The following COQ3 variants were observed in gnomAD, a reference collection of about 807,000 sequenced individuals.
COQ3 encodes coenzyme Q3, methyltransferase.
Under a neutral mutation model 33.1 loss-of-function variants are expected in COQ3, and 29 were observed. The ratio of observed to expected loss-of-function variants is 0.88; its 90% CI spans 0.65 to 1.19. The LOEUF is 1.19. COQ3 is among the 50% of genes most tolerant of loss of function. COQ3 has a pLI of 0.00. For synonymous variants in COQ3, 173 were observed against 157.8 expected, an observed-to-expected ratio of 1.10 and a Z score of -0.72; for missense variants, 437 against 430.7, an observed-to-expected ratio of 1.01 and a Z score of -0.13.
intron 1 of COQ3, among the ~76,000 whole-genome samples, chr6:99,392,611 C>T (rs1260889042): frequency 6.6e-6 from 1 of 151,096 alleles, no homozygotes; most frequent in East Asian, 1.9e-4. Flanking sequence ...CGAGCTGGTC[C>T]TTTCCCCTCT....
intron 4 of COQ3, among the ~76,000 whole-genome samples, chr6:99,376,845 C>T (rs905034579): frequency 1.3e-5 from 2 of 151,946 alleles, no homozygotes; most frequent in African/African-American, 4.8e-5. Flanking sequence ...AGCCCGTAAT[C>T]CCAGCTAGTT....
At chr6:99,382,707 A>C (rs1774507364) in intron 2 of COQ3, among the ~76,000 whole-genome samples, 1 of 152,112 alleles carries the variant, frequency 6.6e-6, no homozygotes. Flanking sequence ...TAATCCCAGC[A>C]CTTTGGGAGG....
intron 4 of COQ3, among the ~76,000 whole-genome samples, chr6:99,376,634 C>T (rs896620562): frequency 4.6e-5 from 7 of 152,160 alleles, no homozygotes; most frequent in African/African-American, 1.4e-4. Flanking sequence ...ATTCTTCTCT[C>T]AGCTTTTTTA....
At chr6:99,384,376 C>CTGTTTA (rs1244810617) in intron 1 of COQ3, among the ~76,000 whole-genome samples, 4 of 152,136 alleles carry the variant, frequency 2.6e-5, no homozygotes, top group Non-Finnish European at 4.4e-5. Context: ...AGTAATGCAT[C>CTGTTTA]TGTTTATAAA....
intron 3 of COQ3, 85 bp from the exon 4 acceptor site, chr6:99,377,570 T>C (rs1562204141): frequency 2.6e-6 from 2 of 756,736 alleles, no homozygotes; most frequent in Non-Finnish European, 4.2e-6. Flanking sequence ...TTCAAGGAAA[T>C]ATTAACCTCC....
At chr6:99,390,335 T>TA (rs1491253408) in intron 1 of COQ3, among the ~76,000 whole-genome samples, 7 of 10,270 alleles carry the variant, frequency 6.8e-4, no homozygotes, top group Non-Finnish European at 0.019. Flanking sequence ...AATGTTAAAC[T>TA]TTTTTTTTTT....
intron 6 of COQ3, among the ~76,000 whole-genome samples, chr6:99,370,344 C>CTTTTTTTTTTTTTTTTT: frequency 9.9e-5 from 10 of 101,252 alleles, no homozygotes; most frequent in Non-Finnish European, 1.1e-4. Context: ...CTTTTCTTTA[C>CTTTTTTTTTTTTTTTTT]TTTTTTTTTT....
chr6:99,385,282 C>T (rs932743666), intron 1 of COQ3, among the ~76,000 whole-genome samples: 5 of 152,148 alleles, frequency 3.3e-5, no homozygotes, highest in Admixed American at 3.3e-4. Flanking sequence ...AAGAACAGAA[C>T]AAGACCATTA....
chr6:99,383,565 T>C lies in COQ3; in HGVS notation c.233+133A>G, dbSNP rs554129978. 28 of 609,442 alleles carry C rather than the reference T, an allele frequency of 4.6e-5. No individual in the cohort carries two copies. The African/African-American group carries it at 5.0e-4, about 11-fold the overall frequency. 37.8% of individuals were successfully genotyped at this position (609,442 alleles called of 1,614,324 possible). A position where few individuals can be genotyped will look rare whatever the true frequency, so the allele number is the denominator to read the frequency against. ...TGTTAGAAAATAAATTAGTTGAGACTACTTAAATAAACACAAGCTACTTTA... is the reference window on the plus strand; with the variant it reads ...TGTTAGAAAATAAATTAGTTGAGACCACTTAAATAAACACAAGCTACTTTA... On this transcript the variant is annotated intron_variant, in intron 2 of 6. Transcript: ENST00000254759.
chr6:99,376,237 C>A, intron 4 of COQ3, 55 bp from the exon 5 acceptor site: 1 of 1,557,832 alleles, frequency 6.4e-7, no homozygotes, highest in Non-Finnish European at 8.7e-7. Context: ...CACATGTTAG[C>A]AATAAAAAGC....
At chr6:99,379,001 T>A (rs1259344673) in intron 3 of COQ3, among the ~76,000 whole-genome samples, 2 of 150,966 alleles carry the variant, frequency 1.3e-5, no homozygotes, top group Admixed American at 1.3e-4. Context: ...GTTCCCTTTA[T>A]TTTTTATTTT....
intron 5 of COQ3, among the ~76,000 whole-genome samples, chr6:99,374,306 G>A (rs2128470266): frequency 6.6e-6 from 1 of 152,130 alleles, no homozygotes; most frequent in East Asian, 1.9e-4. Context: ...CCCCTTTCAG[G>A]GTATGCAAGT....
intron 6 of COQ3, 132 bp downstream of exon 6, chr6:99,371,296 A>G (rs1774136020): frequency 1.7e-6 from 1 of 581,882 alleles, no homozygotes; most frequent in Non-Finnish European, 2.9e-6. Context: ...GACCTAGTTG[A>G]GAAGATAAAA....
chr6:99,372,989 T>A (rs1029389906), intron 5 of COQ3, among the ~76,000 whole-genome samples: 2 of 152,144 alleles, frequency 1.3e-5, no homozygotes, highest in African/African-American at 4.8e-5. Flanking sequence ...AATATTGGAG[T>A]ATGCCTTTAA....
chr6:99,369,881 G>A (rs1774078309), intron 6 of COQ3, 61 bp from the exon 7 acceptor site: 10 of 1,112,240 alleles, frequency 9.0e-6, no homozygotes, highest in Non-Finnish European at 1.3e-5. Flanking sequence ...CAATTTCCAA[G>A]AGTTTCATGC....
At chr6:99,376,305 G>T in intron 4 of COQ3, 123 bp from the exon 5 acceptor site, 1 of 984,882 alleles carries the variant, frequency 1.0e-6, no homozygotes, top group Non-Finnish European at 1.5e-6. Context: ...ATCATTTATG[G>T]GTACATGGAA....
At chr6:99,370,970 A>T (rs181416919) in intron 6 of COQ3, among the ~76,000 whole-genome samples, 2 of 152,312 alleles carry the variant, frequency 1.3e-5, no homozygotes, top group East Asian at 3.9e-4. Context: ...GATGAAAAAA[A>T]CCACCAAAAT....
intron 4 of COQ3, among the ~76,000 whole-genome samples, chr6:99,376,741 T>C (rs60613108): frequency 0.39 from 58,885 of 151,698 alleles, 11,810 homozygotes; most frequent in South Asian, 0.57. Context: ...GAGGCAGAGG[T>C]GGGTGAATCA....
intron 5 of COQ3, among the ~76,000 whole-genome samples, chr6:99,373,915 T>C (rs998121983): frequency 2.6e-5 from 4 of 151,856 alleles, no homozygotes; most frequent in Non-Finnish European, 5.9e-5. Context: ...GAGGCTGAGA[T>C]GGGAGCATGG....
Sources: gnomAD v4.1 joint callset for allele counts (sites outside exome capture counted in the v4.1 genomes callset) on GRCh38, gnomAD v4.1.1 for gene constraint, MANE v1.5 for transcripts, NCBI Gene and HGNC (gene_info 2026-07-23, HGNC 2026-07-21) for gene names.